Variants in CDH12 observed in about 807,000 individuals in gnomAD.
The protein encoded by CDH12 is cadherin-12.
Under a neutral mutation model 74.1 loss-of-function variants are expected in CDH12, and 41 were observed. The ratio of observed to expected loss-of-function variants is 0.55; its 90% CI spans 0.43 to 0.72. CDH12 has a LOEUF of 0.72. Among genes scored for constraint, CDH12 ranks in the 30% least tolerant of loss-of-function variants. The pLI is 0.00. For synonymous variants in CDH12, 399 were observed against 355.0 expected (o/e 1.12, Z -1.39); for missense variants, 945 against 977.2 (o/e 0.97, Z 0.44).
chr5:22,826,825 A>G (rs60961456), intron 1 of CDH12, among the ~76,000 whole-genome samples: 11,721 of 152,204 alleles, frequency 0.077, 553 homozygotes, highest in South Asian at 0.18. Context: ...GTGATTTGGG[A>G]GCTGTTAAAG....
At chr5:22,255,892 GA>G (rs1277418637) in intron 3 of CDH12, among the ~76,000 whole-genome samples, 1 of 151,924 alleles carries the variant, frequency 6.6e-6, no homozygotes, top group Non-Finnish European at 1.5e-5. Flanking sequence ...CTTTGTTAAA[GA>G]AAAAGTAAAT....
At chr5:22,395,771 G>C (rs538373427) in intron 3 of CDH12, among the ~76,000 whole-genome samples, 1 of 152,200 alleles carries the variant, frequency 6.6e-6, no homozygotes, top group Admixed American at 6.5e-5. Context: ...ATATGGAGCT[G>C]TATGAAGTAT....
At chr5:22,760,136 G>T (rs532208459) in intron 1 of CDH12, among the ~76,000 whole-genome samples, 1 of 152,152 alleles carries the variant, frequency 6.6e-6, no homozygotes, top group African/African-American at 2.4e-5. Flanking sequence ...TTGTAGCAAT[G>T]AATAAAATAA....
At chr5:22,463,051 C>CAA (rs1305968375) in intron 2 of CDH12, among the ~76,000 whole-genome samples, 1 of 151,992 alleles carries the variant, frequency 6.6e-6, no homozygotes, top group Non-Finnish European at 1.5e-5. Flanking sequence ...TAATAAATTA[C>CAA]AAAAAAGTTA....
chr5:22,828,753 A>G (rs543477214), intron 1 of CDH12, among the ~76,000 whole-genome samples: 1 of 152,316 alleles, frequency 6.6e-6, no homozygotes, highest in East Asian at 1.9e-4. Context: ...GTACACAGAA[A>G]TACAGGTAAT....
intron 6 of CDH12, among the ~76,000 whole-genome samples, chr5:21,923,475 A>C (rs200905872): frequency 1.3e-5 from 2 of 152,092 alleles, no homozygotes. Context: ...AGTTTTCTCT[A>C]TGTTTTCCTA....
intron 1 of CDH12, among the ~76,000 whole-genome samples, chr5:22,730,375 GT>G (rs897332555): frequency 6.6e-6 from 1 of 151,594 alleles, no homozygotes. Flanking sequence ...AGCTATATTT[GT>G]TTTGTTTTTC....
intron 1 of CDH12, among the ~76,000 whole-genome samples, chr5:22,773,923 A>G (rs761288070): frequency 1.3e-5 from 2 of 152,172 alleles, no homozygotes; most frequent in African/African-American, 4.8e-5. Context: ...TGCAAATCAA[A>G]ACTACAATGA....
chr5:22,747,863 T>C (rs1208923500), intron 1 of CDH12, among the ~76,000 whole-genome samples: 1 of 152,184 alleles, frequency 6.6e-6, no homozygotes, highest in Non-Finnish European at 1.5e-5. Flanking sequence ...AATGGATAGA[T>C]AGCTATAGGA....
chr5:22,103,595 A>C (rs1261939185), intron 4 of CDH12, among the ~76,000 whole-genome samples: 1 of 152,184 alleles, frequency 6.6e-6, no homozygotes, highest in Non-Finnish European at 1.5e-5. Context: ...CTAATCGTTT[A>C]TTGCTTATTA....
intron 4 of CDH12, among the ~76,000 whole-genome samples, chr5:22,118,365 A>C (rs541127991): frequency 6.6e-6 from 1 of 151,990 alleles, no homozygotes; most frequent in Non-Finnish European, 1.5e-5. Flanking sequence ...AGCCTTTTAC[A>C]TATCTCGGAA....
chr5:22,496,217 A>G (rs1390957333), intron 2 of CDH12, among the ~76,000 whole-genome samples: 1 of 152,216 alleles, frequency 6.6e-6, no homozygotes, highest in African/African-American at 2.4e-5. Flanking sequence ...AACACAGCTA[A>G]GCACTGCAAC....
chr5:21,791,039 A>G (rs1208035320), intron 10 of CDH12, among the ~76,000 whole-genome samples: 2 of 152,048 alleles, frequency 1.3e-5, no homozygotes, highest in Middle Eastern at 3.4e-3. Context: ...ATACCCTCCA[A>G]CAAAGCTTTA....
intron 2 of CDH12, among the ~76,000 whole-genome samples, chr5:22,495,669 A>T (rs192381334): frequency 6.6e-6 from 1 of 152,354 alleles, no homozygotes; most frequent in Admixed American, 6.5e-5. Flanking sequence ...TCATTAAATC[A>T]ATGTGAAGTA....
intron 1 of CDH12, among the ~76,000 whole-genome samples, chr5:22,741,147 C>G (rs1745006198): frequency 6.6e-6 from 1 of 152,038 alleles, no homozygotes; most frequent in Admixed American, 6.6e-5. Context: ...ACTGAATCAT[C>G]CTCTCTAAAG....
At chr5:22,680,685 A>ATTCC in intron 1 of CDH12, among the ~76,000 whole-genome samples, 1 of 152,166 alleles carries the variant, frequency 6.6e-6, no homozygotes, top group South Asian at 2.1e-4. Flanking sequence ...TGCTTCAGCA[A>ATTCC]TTCCTACAAA....
At chr5:22,397,970 G>C (rs1207383032) in intron 3 of CDH12, among the ~76,000 whole-genome samples, 1 of 151,964 alleles carries the variant, frequency 6.6e-6, no homozygotes, top group Non-Finnish European at 1.5e-5. Flanking sequence ...CCTTGATCTT[G>C]GAATTCTAGC....
At chr5:22,722,425 TAAAG>T (rs1743947962) in intron 1 of CDH12, among the ~76,000 whole-genome samples, 1 of 152,138 alleles carries the variant, frequency 6.6e-6, no homozygotes, top group African/African-American at 2.4e-5. Flanking sequence ...ACTTAAACAA[TAAAG>T]AAAGATTTTC....
At chr5:22,189,734 C>T (rs1219771115) in intron 4 of CDH12, among the ~76,000 whole-genome samples, 1 of 152,018 alleles carries the variant, frequency 6.6e-6, no homozygotes, top group Non-Finnish European at 1.5e-5. Flanking sequence ...ATAGAAATAT[C>T]TTTTTAAAAA....
Sources: allele counts gnomAD v4.1 joint callset (sites outside exome capture counted in the v4.1 genomes callset), GRCh38; gene constraint gnomAD v4.1.1; transcripts MANE v1.5; gene names NCBI Gene and HGNC (gene_info 2026-07-23, HGNC 2026-07-21).